Variants in KCMF1 observed in about 807,000 individuals in gnomAD.
KCMF1 encodes E3 ubiquitin-protein ligase KCMF1.
KCMF1 carries 3 observed loss-of-function variants against 41.1 expected under a neutral mutation model. The observed-to-expected ratio is 0.07, with a 90% confidence interval of 0.03 to 0.19. KCMF1 has a LOEUF of 0.19. Among genes scored for constraint, KCMF1 ranks in the 10% least tolerant of loss-of-function variants. The probability of loss-of-function intolerance (pLI) is 1.00; values close to 1 mark genes in which losing one functional copy is unlikely to be tolerated. For synonymous variants in KCMF1, 142 were observed against 164.5 expected, an observed-to-expected ratio of 0.86 and a Z score of 1.04; for missense variants, 286 against 488.9, an observed-to-expected ratio of 0.58 and a Z score of 3.91.
At chr2:85,003,205 G>A (rs966835990) in intron 1 of KCMF1, among the ~76,000 whole-genome samples, 3 of 152,176 alleles carry the variant, frequency 2.0e-5, no homozygotes, top group Admixed American at 2.0e-4. Flanking sequence ...CGGGCGCGGT[G>A]GCTCACGCCT....
At chr2:85,000,414 C>T (rs560312681) in intron 1 of KCMF1, among the ~76,000 whole-genome samples, 25 of 152,176 alleles carry the variant, frequency 1.6e-4, no homozygotes, top group Non-Finnish European at 2.9e-4. Flanking sequence ...TAAGCCACTG[C>T]GCCCAGCTAT....
At chr2:85,036,821 A>G (rs1273148182) in intron 3 of KCMF1, among the ~76,000 whole-genome samples, 1 of 148,360 alleles carries the variant, frequency 6.7e-6, no homozygotes, top group African/African-American at 2.4e-5. Context: ...GTATTATTAT[A>G]TATAATATAT....
At chr2:85,024,209 G>A (rs1279605965) in intron 1 of KCMF1, among the ~76,000 whole-genome samples, 1 of 152,226 alleles carries the variant, frequency 6.6e-6, no homozygotes, top group Non-Finnish European at 1.5e-5. Flanking sequence ...GAGCGTGGTG[G>A]CTCACGCCTG....
intron 1 of KCMF1, among the ~76,000 whole-genome samples, chr2:85,010,298 G>A (rs777227687): frequency 3.3e-5 from 5 of 152,056 alleles, no homozygotes; most frequent in East Asian, 3.9e-4. Context: ...GTGAAACCCC[G>A]TCTCTGCTAA....
chr2:85,006,413 G>GC (rs1229934316), intron 1 of KCMF1, among the ~76,000 whole-genome samples: 1 of 141,912 alleles, frequency 7.0e-6, no homozygotes, highest in Admixed American at 7.8e-5. Flanking sequence ...CCATTCTCCT[G>GC]CCTCAGCCTC....
intron 1 of KCMF1, among the ~76,000 whole-genome samples, chr2:85,011,830 G>C (rs62162796): frequency 0.03 from 4,551 of 152,284 alleles, 108 homozygotes; most frequent in Middle Eastern, 0.058. Flanking sequence ...GGGCCAGGGG[G>C]CTGTCCTGTG....
In KCMF1 at chr2:85,058,671, AC is replaced by A. The variant is rs1411509259; in HGVS notation, c.*5263del. On this transcript the variant is annotated 3_prime_UTR_variant, in exon 7 of 7. Coordinates refer to ENST00000409785, the MANE Select transcript of KCMF1 (RefSeq NM_020122.5). ...TATTTACCAACTGCGATTTTTACAG[AC>A]TTCCCCTGTAAGAATTTTCTAAAAG... The A allele has an allele frequency of 2.0e-5, 3 of 152,148 alleles. No individual in the cohort carries two copies. Among genetic ancestry groups the A allele is most frequent in the African/African-American group, 7.2e-5 (3 of 41,430 alleles). The allele number at this position is 152,148 out of a possible 1,614,324, so 9.4% of individuals were successfully genotyped here.
At chr2:84,986,001 A>G (rs1317065283) in intron 1 of KCMF1, among the ~76,000 whole-genome samples, 1 of 152,202 alleles carries the variant, frequency 6.6e-6, no homozygotes, top group Non-Finnish European at 1.5e-5. Context: ...ACTTTGAAAC[A>G]TATACTTTGT....
At chr2:84,993,293 CT>C (rs1674091936) in intron 1 of KCMF1, among the ~76,000 whole-genome samples, 1 of 151,986 alleles carries the variant, frequency 6.6e-6, no homozygotes. Flanking sequence ...TGTCACTGTC[CT>C]CATGACATAA....
chr2:85,007,069 C>G (rs113118611), intron 1 of KCMF1, among the ~76,000 whole-genome samples: 1 of 148,240 alleles, frequency 6.7e-6, no homozygotes. Flanking sequence ...CCACTGCACT[C>G]CAGCCTGGGC....
chr2:84,983,039 T>G (rs956762492), intron 1 of KCMF1, among the ~76,000 whole-genome samples: 2 of 152,206 alleles, frequency 1.3e-5, no homozygotes, highest in Non-Finnish European at 2.9e-5. Context: ...TGCTGTATAT[T>G]TTCATGTTTC....
At chr2:84,985,794 A>G (rs1369072571) in intron 1 of KCMF1, among the ~76,000 whole-genome samples, 1 of 149,168 alleles carries the variant, frequency 6.7e-6, no homozygotes, top group African/African-American at 2.5e-5. Flanking sequence ...GTGTCACTGC[A>G]CTCCAGCCTG....
At chr2:85,002,262 C>A (rs567297298) in intron 1 of KCMF1, among the ~76,000 whole-genome samples, 1 of 152,268 alleles carries the variant, frequency 6.6e-6, no homozygotes, top group East Asian at 1.9e-4. Flanking sequence ...TTAGATGGTA[C>A]CAGTGTCCTA....
chr2:85,047,036 G>A (rs1246507480), intron 5 of KCMF1, among the ~76,000 whole-genome samples: 1 of 152,032 alleles, frequency 6.6e-6, no homozygotes, highest in Non-Finnish European at 1.5e-5. Context: ...GTATGTATAG[G>A]AAAAAACATA....
At chr2:85,030,165 C>G (rs1675232473) in intron 2 of KCMF1, among the ~76,000 whole-genome samples, 1 of 151,990 alleles carries the variant, frequency 6.6e-6, no homozygotes, top group South Asian at 2.1e-4. Context: ...ATACCTTGAT[C>G]CTTTGCCCAT....
intron 1 of KCMF1, among the ~76,000 whole-genome samples, chr2:84,989,165 TGGGCAC>T (rs1673976671): frequency 6.6e-6 from 1 of 152,170 alleles, no homozygotes; most frequent in Non-Finnish European, 1.5e-5. Context: ...GGAGATGTGC[TGGGCAC>T]TGGTGACAAA....
chr2:85,034,177 T>C (rs1675352974), intron 2 of KCMF1, among the ~76,000 whole-genome samples: 1 of 152,054 alleles, frequency 6.6e-6, no homozygotes, highest in Non-Finnish European at 1.5e-5. Flanking sequence ...AGTAAGACCT[T>C]GTCTCAAAAA....
chr2:84,981,214 G>C (rs1008913315), intron 1 of KCMF1, among the ~76,000 whole-genome samples: 15 of 148,922 alleles, frequency 1.0e-4, no homozygotes, highest in African/African-American at 3.7e-4. Flanking sequence ...TTTTGAGACA[G>C]AGTCTCACTC....
At chr2:85,025,455 G>C (rs1319024337) in intron 1 of KCMF1, among the ~76,000 whole-genome samples, 1 of 152,014 alleles carries the variant, frequency 6.6e-6, no homozygotes, top group Admixed American at 6.6e-5. Flanking sequence ...CATCACCACT[G>C]TCCATCTCCA....
Sources: allele counts gnomAD v4.1 joint callset (sites outside exome capture counted in the v4.1 genomes callset), GRCh38; gene constraint gnomAD v4.1.1; transcripts MANE v1.5; gene names NCBI Gene and HGNC (gene_info 2026-07-23, HGNC 2026-07-21).